NAT1: variants seen among roughly 807,000 people sequenced by gnomAD.
The protein encoded by NAT1 is N-acetyltransferase 1.
For synonymous variants in NAT1, 144 were observed against 122.6 expected, an observed-to-expected ratio of 1.17 and a Z score of -1.16; for missense variants, 400 against 339.2, an observed-to-expected ratio of 1.18 and a Z score of -1.41.
chr8:18,199,352 C>T (rs1383519581), intron 2 of NAT1, among the ~76,000 whole-genome samples: 2 of 150,738 alleles, frequency 1.3e-5, no homozygotes, highest in Non-Finnish European at 2.9e-5. Flanking sequence ...TTTTGTTTGG[C>T]GCCTTTCTTG....
upstream of NAT1, chr8:18,209,822 C>T (rs547336900): frequency 5.9e-5 from 9 of 152,174 alleles, no homozygotes; most frequent in African/African-American, 1.9e-4. Flanking sequence ...CAAGCTCTCA[C>T]GTTCCACATC....
intron 2 of NAT1, among the ~76,000 whole-genome samples, chr8:18,200,549 G>C (rs1045620898): frequency 9.9e-5 from 15 of 152,148 alleles, no homozygotes; most frequent in African/African-American, 3.4e-4. Context: ...TAAAGGGTGG[G>C]AGGATGGTAA....
intron 1 of NAT1, among the ~76,000 whole-genome samples, chr8:18,210,899 T>C (rs1215517703): frequency 6.6e-6 from 1 of 152,138 alleles, no homozygotes; most frequent in Non-Finnish European, 1.5e-5. Flanking sequence ...CTCAGCCTCC[T>C]GAGTAGCTGT....
chr8:18,198,393 C>T (rs529683402), intron 2 of NAT1, among the ~76,000 whole-genome samples: 2 of 152,270 alleles, frequency 1.3e-5, no homozygotes, highest in East Asian at 3.9e-4. Context: ...AATAGTCCTT[C>T]CTAACCACAT....
chr8:18,209,484 T>A (rs974980863), upstream of NAT1, among the ~76,000 whole-genome samples: 5 of 152,216 alleles, frequency 3.3e-5, no homozygotes, highest in African/African-American at 1.2e-4. Context: ...AAAATTATGT[T>A]GTATAGAGAA....
At chr8:18,188,039 T>G (rs1165485972) in intron 2 of NAT1, among the ~76,000 whole-genome samples, 1 of 151,814 alleles carries the variant, frequency 6.6e-6, no homozygotes, top group Non-Finnish European at 1.5e-5. Context: ...AAAGCTATGT[T>G]GTCTTCTTCA....
chr8:18,222,393 G>A lies in NAT1; in HGVS notation c.346G>A (p.Gly116Ser). ...IHLLLQVTID[G>S]RNYIVDAGFG... ...CCTTCTCCTGCAGGTGACCATTGAT[G>A]GCAGGAACTACATTGTCGATGCTGG... Residue 116 changes from glycine (G) to serine (S), a missense_variant, in exon 3 of 3, where the codon GGC becomes AGC. Gly to Ser is a moderately conservative substitution (Grantham distance 56). Transcript: ENST00000307719. 6.2e-7 allele frequency: 1 copy of A among 1,614,032 alleles called. No individual in the cohort carries two copies. The highest frequency in any genetic ancestry group is 8.5e-7 in the Non-Finnish European group (1 of 1,179,994).
chr8:18,181,732 T>C (rs1305665203), intron 2 of NAT1, among the ~76,000 whole-genome samples: 4 of 152,170 alleles, frequency 2.6e-5, no homozygotes, highest in African/African-American at 4.8e-5. Context: ...TAGCCTTTAT[T>C]GTTGTGAGAT....
chr8:18,198,487 G>C (rs978116803), intron 2 of NAT1, among the ~76,000 whole-genome samples: 25 of 152,176 alleles, frequency 1.6e-4, no homozygotes, highest in Admixed American at 9.2e-4. Context: ...GCTCTCAGTA[G>C]TGTTGAGGTT....
chr8:18,172,847 C>T (rs1049852302), intron 2 of NAT1, among the ~76,000 whole-genome samples: 2 of 152,058 alleles, frequency 1.3e-5, no homozygotes, highest in African/African-American at 4.8e-5. Context: ...ATTATACCCC[C>T]AAAGAACTTG....
intron 2 of NAT1, among the ~76,000 whole-genome samples, chr8:18,182,325 T>C (rs1433037153): frequency 1.3e-5 from 2 of 152,236 alleles, no homozygotes; most frequent in African/African-American, 4.8e-5. Context: ...TCAGTCTTTT[T>C]TTATAATTAA....
At chr8:18,191,788 G>A (rs533819884) in intron 2 of NAT1, among the ~76,000 whole-genome samples, 2 of 151,072 alleles carry the variant, frequency 1.3e-5, no homozygotes, top group African/African-American at 2.4e-5. Context: ...CTAGCCATAT[G>A]TAGAAAGCTG....
intron 2 of NAT1, among the ~76,000 whole-genome samples, chr8:18,176,110 G>A (rs10103985): frequency 0.28 from 42,802 of 151,798 alleles, 6,531 homozygotes; most frequent in South Asian, 0.39. Flanking sequence ...AATATTAGTT[G>A]CTTATCAGAT....
intron 2 of NAT1, among the ~76,000 whole-genome samples, chr8:18,188,320 T>C (rs1399469797): frequency 6.6e-6 from 1 of 152,236 alleles, no homozygotes; most frequent in East Asian, 1.9e-4. Flanking sequence ...CAACTTTGAC[T>C]TCCTCCAGTT....
At chr8:18,192,140 C>T (rs1207269406) in intron 2 of NAT1, among the ~76,000 whole-genome samples, 1 of 151,482 alleles carries the variant, frequency 6.6e-6, no homozygotes, top group South Asian at 2.1e-4. Context: ...AACAAATTTA[C>T]AAGAAAAAAA....
intron 2 of NAT1, among the ~76,000 whole-genome samples, chr8:18,186,211 A>G (rs1228529497): frequency 6.6e-6 from 1 of 152,134 alleles, no homozygotes; most frequent in Non-Finnish European, 1.5e-5. Flanking sequence ...AGGCATTGAA[A>G]TTTCCCATTA....
At chr8:18,193,403 G>A (rs1803096080) in intron 2 of NAT1, among the ~76,000 whole-genome samples, 2 of 148,218 alleles carry the variant, frequency 1.3e-5, no homozygotes, top group African/African-American at 4.9e-5. Flanking sequence ...GTTGCAGTGA[G>A]CTGAGATCGT....
chr8:18,178,813 G>A (rs1351747207), intron 2 of NAT1, among the ~76,000 whole-genome samples: 1 of 152,062 alleles, frequency 6.6e-6, no homozygotes, highest in Non-Finnish European at 1.5e-5. Context: ...ACTTCTATGG[G>A]CTCCATTCAG....
At chr8:18,189,361 C>T (rs956343613) in intron 2 of NAT1, among the ~76,000 whole-genome samples, 1 of 151,992 alleles carries the variant, frequency 6.6e-6, no homozygotes, top group Non-Finnish European at 1.5e-5. Context: ...TGCAAGGTAG[C>T]AGGTATCAGC....
Sources: gnomAD v4.1 joint callset for allele counts (sites outside exome capture counted in the v4.1 genomes callset) on GRCh38, gnomAD v4.1.1 for gene constraint, MANE v1.5 for transcripts, NCBI Gene and HGNC (gene_info 2026-07-23, HGNC 2026-07-21) for gene names.